Variants in RORC observed in about 807,000 individuals in gnomAD.
The protein encoded by RORC is nuclear receptor ROR-gamma.
A neutral mutation model predicts 64.5 loss-of-function variants in RORC; 13 were observed. That is an observed-to-expected ratio of 0.20 (90% confidence interval 0.13 to 0.32). The LOEUF is 0.32. Among genes scored for constraint, RORC ranks in the 10% least tolerant of loss-of-function variants. The probability of loss-of-function intolerance (pLI) is 1.00; values close to 1 mark genes in which losing one functional copy is unlikely to be tolerated. For synonymous variants in RORC, 277 were observed against 259.3 expected, an observed-to-expected ratio of 1.07 and a Z score of -0.65; for missense variants, 468 against 669.5, an observed-to-expected ratio of 0.70 and a Z score of 3.32.
Position 151,807,263 on chromosome 1 carries a change from G to A in RORC, c.*209C>T. 2 of 532,574 alleles carry A rather than the reference G, an allele frequency of 3.8e-6. No homozygotes were observed. Among genetic ancestry groups the A allele is most frequent in the Middle Eastern group, 9.7e-4 (2 of 2,062 alleles). 33.0% of individuals were successfully genotyped at this position (532,574 alleles called of 1,614,324 possible). ...ACAGGTCAAAGCTGAGGCTGGAGAT[G>A]GTGTTCTGCCAGCCCCACCCTCTGG... is the stretch of plus-strand genomic sequence containing the variant. On this transcript the variant is annotated 3_prime_UTR_variant, in exon 11 of 11. Transcript: ENST00000318247. This position sits in a 1 kb window ranked among gnomAD's most constrained non-coding sequence, Gnocchi z 5.0.
At chr1:151,816,393 C>T (rs1457804816) in intron 4 of RORC, among the ~76,000 whole-genome samples, 1 of 152,184 alleles carries the variant, frequency 6.6e-6, no homozygotes, top group Non-Finnish European at 1.5e-5. Context: ...GAGGAGAATT[C>T]GTTCCAAGTA....
At chr1:151,823,396 G>T (rs1202341355) in intron 2 of RORC, among the ~76,000 whole-genome samples, 1 of 152,180 alleles carries the variant, frequency 6.6e-6, no homozygotes, top group Non-Finnish European at 1.5e-5. Flanking sequence ...CCTCCGTCTG[G>T]CTGGCTGGGA....
chr1:151,811,166 G>A (rs934212728), intron 10 of RORC, among the ~76,000 whole-genome samples, 159 bp downstream of exon 10: 1 of 152,118 alleles, frequency 6.6e-6, no homozygotes, highest in Non-Finnish European at 1.5e-5. Flanking sequence ...GGAAGTAGCT[G>A]TTCATTCCCT....
At chr1:151,814,532 G>A (rs200106313) in intron 6 of RORC, 42 bp downstream of exon 6, 5 of 1,584,276 alleles carry the variant, frequency 3.2e-6, no homozygotes, top group South Asian at 1.1e-5. Flanking sequence ...TCTCCCGGTG[G>A]GGGTGGGATA....
At chr1:151,819,875 C>G (rs1464338387) in intron 2 of RORC, among the ~76,000 whole-genome samples, 2 of 152,158 alleles carry the variant, frequency 1.3e-5, no homozygotes, top group African/African-American at 4.8e-5. Flanking sequence ...TCAGCCCATC[C>G]TCCATCCTCC....
intron 10 of RORC, 104 bp downstream of exon 10, chr1:151,811,220 TC>T: frequency 1.6e-6 from 1 of 641,758 alleles, no homozygotes. Context: ...AGAGTGGTAC[TC>T]CCGCACTCCC....
Position 151,830,972 on chromosome 1 carries a change from T to C in RORC, c.40+753A>G. The C allele has an allele frequency of 7.8e-7, 1 of 1,289,258 alleles. No homozygotes were observed. The highest frequency in any genetic ancestry group is 1.0e-6 in the Non-Finnish European group (1 of 988,788). The allele number at this position is 1,289,258 out of a possible 1,614,324, so 79.9% of individuals were successfully genotyped here. ...TCCACCAGGTGGCCCTGGAGCTTGG[T>C]GGCTCTGGCCCTCAAACTTTCCTCC... On this transcript the variant is annotated intron_variant, in intron 1 of 10. Coordinates refer to ENST00000318247, the MANE Select transcript of RORC (RefSeq NM_005060.4). This position sits in a 1 kb window ranked among gnomAD's most constrained non-coding sequence, Gnocchi z 4.0.
Position 151,831,747 on chromosome 1 carries a change from C to G in RORC, c.18G>C (p.Gln6His). The change falls in exon 1 of 11, where the codon CAG (glutamine) becomes CAC (histidine). Residue 6 changes from glutamine (Q) to histidine (H), a missense_variant. By Grantham distance (24) the Gln-to-His change is conservative (BLOSUM62 0). Transcript: ENST00000318247. Reference protein sequence around the residue: MDRAPQRQHRASRELL... With the variant: MDRAPHRQHRASRELL... Reference sequence around the variant, plus strand: ...TACCCCGTGAGGCTCGGTGCTGTCTCTGTGGGGCCCTGTCCATGGGGCAGC... The same window carrying G: ...TACCCCGTGAGGCTCGGTGCTGTCTGTGTGGGGCCCTGTCCATGGGGCAGC... The G allele has an allele frequency of 6.2e-7, 1 of 1,610,100 alleles. No individual in the cohort carries two copies. The highest frequency in any genetic ancestry group is 8.5e-7 in the Non-Finnish European group (1 of 1,179,958).
Position 151,807,583 on chromosome 1 carries a change from C to A in RORC, c.1446G>T (p.Arg482Ser). ...LRSLCSQHVE[R>S]LQIFQHLHPI... ...GGTGGAGGTGCTGGAAGATCTGCAG[C>A]CTTTCCACATGCTGGCTACACAGGC... Residue 482 changes from arginine to serine, a missense_variant, in exon 11 of 11, where the codon AGG becomes AGT. Around this residue, in one of 5 missense-constraint regions of RORC, gnomAD observed 93 missense variants for 116.6 expected, o/e 0.80. Transcript: ENST00000318247. This position sits in a 1 kb window ranked among gnomAD's most constrained non-coding sequence, Gnocchi z 5.0. 2 of 1,613,910 alleles carry A rather than the reference C, an allele frequency of 1.2e-6. No individual in the cohort carries two copies. Among genetic ancestry groups the A allele is most frequent in the Non-Finnish European group, 1.7e-6 (2 of 1,179,934 alleles).
chr1:151,829,072 A>G (rs1572048829), intron 2 of RORC, among the ~76,000 whole-genome samples: 1 of 114,258 alleles, frequency 8.8e-6, no homozygotes, highest in Non-Finnish European at 1.8e-5. Flanking sequence ...GCCTCCGCAC[A>G]CCCCCCTACC....
At chr1:151,816,516 G>T in intron 4 of RORC, 148 bp downstream of exon 4, 1 of 812,074 alleles carries the variant, frequency 1.2e-6, no homozygotes, top group Non-Finnish European at 1.8e-6. Flanking sequence ...CCCTGGAGGG[G>T]AGGAGACAAG....
rs79220927 is a variant in RORC, at chr1:151,807,092, A to G, written c.*380T>C. On this transcript the variant is annotated 3_prime_UTR_variant, in exon 11 of 11. Transcript: ENST00000318247. The surrounding 1 kb of genome is among the most constrained non-coding windows in gnomAD (Gnocchi z 5.0). ...TTCAAAGGCTTATTCTTAGCTTCTG[A>G]GCTTCTGAATGAATTGCATTCTATT... 6.8e-3 allele frequency: 1,205 copies of G among 178,136 alleles called. 23 individuals carry two copies. Among genetic ancestry groups the G allele is most frequent in the African/African-American group, 0.027 (1,144 of 42,532 alleles). 11.0% of individuals were successfully genotyped at this position (178,136 alleles called of 1,614,324 possible). A position where few individuals can be genotyped will look rare whatever the true frequency, so the allele number is the denominator to read the frequency against.
At chr1:151,824,186 T>C (rs1004362866) in intron 2 of RORC, among the ~76,000 whole-genome samples, 3 of 152,184 alleles carry the variant, frequency 2.0e-5, no homozygotes, top group Non-Finnish European at 4.4e-5. Flanking sequence ...TGGGGTCAGA[T>C]AACTTGGGGC....
At chr1:151,818,714 C>T (rs1651868948) in intron 2 of RORC, among the ~76,000 whole-genome samples, 1 of 152,182 alleles carries the variant, frequency 6.6e-6, no homozygotes. Context: ...GGCCAAAGCC[C>T]CTTTTAATCT....
rs758239791 is a variant in RORC at position 151,814,602 on chromosome 1, C to T, written c.905G>A (p.Arg302Gln). 2.0e-5 allele frequency: 32 copies of T among 1,612,570 alleles called. No homozygotes were observed. The highest frequency in any genetic ancestry group is 1.6e-4 in the Middle Eastern group (1 of 6,080). ...LLRQRSNIFS[R>Q]EEVTGYQRKS... ...CCTCTGGTAGCCAGTCACTTCCTCC[C>T]GGGAGAAGATGTTGGAGCGCTGCCG... Residue 302 changes from arginine to glutamine, a missense_variant, in exon 6 of 11, where the codon CGG becomes CAG. Physicochemically the swap from Arg to Gln is conservative, Grantham distance 43. Coordinates refer to ENST00000318247, the MANE Select transcript of RORC (RefSeq NM_005060.4).
At chr1:151,831,677 A>G (rs1572050801) in intron 1 of RORC, 48 bp downstream of exon 1, 2 of 1,605,700 alleles carry the variant, frequency 1.2e-6, no homozygotes, top group African/African-American at 2.7e-5. Context: ...CCTCCTCTGA[A>G]CCTCCAGCAG....
At chr1:151,814,458 C>T (rs1651666696) in intron 6 of RORC, 116 bp downstream of exon 6, 6 of 1,116,374 alleles carry the variant, frequency 5.4e-6, no homozygotes, top group Non-Finnish European at 7.7e-6. Context: ...TGTTGGCCAG[C>T]CTGTGTCTGT....
At chr1:151,809,259 C>T (rs1200396765) in intron 10 of RORC, among the ~76,000 whole-genome samples, 9 of 151,882 alleles carry the variant, frequency 5.9e-5, no homozygotes, top group East Asian at 3.9e-4. Flanking sequence ...ATTAGCCGGG[C>T]GTGTAATCCC....
At chr1:151,829,928 C>G (rs1652339840) in intron 1 of RORC, among the ~76,000 whole-genome samples, 1 of 152,234 alleles carries the variant, frequency 6.6e-6, no homozygotes, top group Admixed American at 6.5e-5. Flanking sequence ...ATGGGTCTTT[C>G]CTGCCAAATT....
Sources: gnomAD v4.1 joint callset for allele counts (sites outside exome capture counted in the v4.1 genomes callset) on GRCh38, gnomAD v4.1.1 for gene constraint, gnomAD v4.1.1 regional missense constraint, Gnocchi (gnomAD v3.1) non-coding constraint, MANE v1.5 for transcripts, NCBI Gene and HGNC (gene_info 2026-07-23, HGNC 2026-07-21) for gene names.